CD36: variants seen among roughly 807,000 people sequenced by gnomAD.
CD36 encodes the protein CD36 molecule (CD36 blood group), also known as platelet glycoprotein 4.
Under a neutral mutation model 55.2 loss-of-function variants are expected in CD36, and 119 were observed. The observed-to-expected ratio is 2.15, with a 90% CI of 1.86 to 2.51. The LOEUF is 2.51. CD36 is among the 30% of genes most tolerant of loss of function. The pLI, the probability that CD36 is intolerant of heterozygous loss-of-function variation, is 0.00. For synonymous variants in CD36, 186 were observed against 193.6 expected (o/e 0.96, Z 0.33); for missense variants, 819 against 555.5 (o/e 1.47, Z -4.77).
At chr7:80,632,457 T>G (rs867019630) in intron 1 of CD36, among the ~76,000 whole-genome samples, 1 of 152,050 alleles carries the variant, frequency 6.6e-6, no homozygotes, top group Non-Finnish European at 1.5e-5. Context: ...TTCAGTCTTT[T>G]AGGAAGCTAA....
chr7:80,673,285 T>C lies in CD36; in HGVS notation c.1200-70T>C, dbSNP rs2116898715. 4 of 728,986 alleles carry C rather than the reference T, an allele frequency of 5.5e-6. No homozygotes were observed. The East Asian group carries it at 8.5e-5, about 15-fold the overall frequency. 45.2% of individuals were successfully genotyped at this position (728,986 alleles called of 1,614,324 possible). On this transcript the variant is annotated intron_variant, in intron 12 of 14. Transcript: ENST00000447544. ...AGCAACAGCAACTAATTTATGAACA[T>C]TTATTTTAAAGTTTGTTATATATAA...
intron 3 of CD36, 166 bp downstream of exon 3, chr7:80,647,026 G>C: frequency 1.5e-6 from 1 of 663,150 alleles, no homozygotes; most frequent in South Asian, 1.7e-5. Flanking sequence ...GACTTTATGT[G>C]AAATGTTATA....
chr7:80,641,181 G>T (rs941243887), intron 1 of CD36, among the ~76,000 whole-genome samples: 21 of 151,918 alleles, frequency 1.4e-4, no homozygotes, highest in Non-Finnish European at 2.4e-4. Flanking sequence ...TACCTTGAAA[G>T]GAGAATTCTA....
intron 7 of CD36, chr7:80,666,194 C>T (rs1797075457): frequency 9.0e-6 from 4 of 446,410 alleles, no homozygotes; most frequent in Admixed American, 3.6e-5. Context: ...TTTCTTATTC[C>T]AAGATGTTTC....
intron 1 of CD36, among the ~76,000 whole-genome samples, chr7:80,612,273 T>C (rs919869630): frequency 3.9e-5 from 6 of 152,238 alleles, no homozygotes; most frequent in Non-Finnish European, 8.8e-5. Flanking sequence ...ATTCCTGTTA[T>C]GCTAGCAACC....
intron 1 of CD36, among the ~76,000 whole-genome samples, chr7:80,643,366 G>C (rs1163521580): frequency 6.6e-6 from 1 of 152,110 alleles, no homozygotes; most frequent in East Asian, 1.9e-4. Context: ...CATTAATATT[G>C]AATGAGTAAT....
intron 1 of CD36, among the ~76,000 whole-genome samples, chr7:80,615,138 T>G (rs1273963791): frequency 1.3e-5 from 2 of 152,192 alleles, no homozygotes; most frequent in Non-Finnish European, 2.9e-5. Flanking sequence ...CACATTCCCT[T>G]CATCAGGCTG....
chr7:80,665,894 T>C (rs1797042048), intron 7 of CD36: 1 of 153,638 alleles, frequency 6.5e-6, no homozygotes, highest in Non-Finnish European at 1.4e-5. Flanking sequence ...AGTAAACTCT[T>C]TCCTACTTTA....
At chr7:80,648,230 T>A (rs188477960) in intron 3 of CD36, among the ~76,000 whole-genome samples, 1 of 152,282 alleles carries the variant, frequency 6.6e-6, no homozygotes, top group Non-Finnish European at 1.5e-5. Flanking sequence ...TGATCTGACA[T>A]CCTTCCTACT....
chr7:80,677,636 A>T lies in CD36; in HGVS notation c.*1253A>T, dbSNP rs2116948971. The T allele has an allele frequency of 6.6e-6, 1 of 152,328 alleles. No homozygotes were observed. Among genetic ancestry groups the T allele is most frequent in the East Asian group, 1.9e-4 (1 of 5,178 alleles). 9.4% of individuals were successfully genotyped at this position (152,328 alleles called of 1,614,324 possible). A position where few individuals can be genotyped will look rare whatever the true frequency, so the allele number is the denominator to read the frequency against. On this transcript the variant is annotated 3_prime_UTR_variant, in exon 15 of 15. Transcript: ENST00000447544. ...GTCCAAGATATTAATATGTAAGATA[A>T]CATTGTAGACATGTTCTTCTGATAA...
chr7:80,663,708 A>G (rs1302493556), intron 6 of CD36, among the ~76,000 whole-genome samples: 1 of 152,176 alleles, frequency 6.6e-6, no homozygotes, highest in Non-Finnish European at 1.5e-5. Flanking sequence ...CTTGAAGATT[A>G]AGGAAAATGT....
chr7:80,620,032 T>G (rs1192364989), intron 1 of CD36, among the ~76,000 whole-genome samples: 1 of 152,204 alleles, frequency 6.6e-6, no homozygotes, highest in Non-Finnish European at 1.5e-5. Context: ...TTTTGTTTTT[T>G]TTTAGATGAA....
chr7:80,635,582 T>C (rs1176039467), upstream of CD36, among the ~76,000 whole-genome samples: 2 of 152,084 alleles, frequency 1.3e-5, no homozygotes, highest in African/African-American at 2.4e-5. Flanking sequence ...GCCACAATTA[T>C]TTGTTAAACA....
chr7:80,638,589 G>A (rs375822934), upstream of CD36: 2 of 148,714 alleles, frequency 1.3e-5, no homozygotes, highest in Admixed American at 6.7e-5. Flanking sequence ...TCTTTTTTTG[G>A]GGGGGGGAGG....
chr7:80,621,151 CT>C (rs202080916), intron 1 of CD36, among the ~76,000 whole-genome samples: 2 of 151,816 alleles, frequency 1.3e-5, no homozygotes, highest in South Asian at 2.1e-4. Flanking sequence ...TAATTGTTAG[CT>C]TTTTTTTAGC....
At chr7:80,674,776 G>A (rs984704025) in intron 14 of CD36, among the ~76,000 whole-genome samples, 4 of 151,922 alleles carry the variant, frequency 2.6e-5, no homozygotes, top group Non-Finnish European at 4.4e-5. Flanking sequence ...TGCCTGTGGG[G>A]GAGAATTTTT....
At chr7:80,635,763 T>C (rs1794359208), upstream of CD36, among the ~76,000 whole-genome samples, 1 of 152,154 alleles carries the variant, frequency 6.6e-6, no homozygotes, top group Non-Finnish European at 1.5e-5. Context: ...TCCATTCATT[T>C]TCCTAGCAGA....
intron 1 of CD36, among the ~76,000 whole-genome samples, chr7:80,643,453 A>G (rs1440381505): frequency 6.6e-6 from 1 of 152,136 alleles, no homozygotes; most frequent in Non-Finnish European, 1.5e-5. Context: ...ACATGTTTTA[A>G]ATAGATTTTC....
chr7:80,653,961 A>G (rs1324054137), intron 3 of CD36, among the ~76,000 whole-genome samples: 1 of 152,190 alleles, frequency 6.6e-6, no homozygotes, highest in African/African-American at 2.4e-5. Flanking sequence ...GTCACATAAC[A>G]TTGAGTCAGA....
Sources: gnomAD v4.1 joint callset for allele counts (sites outside exome capture counted in the v4.1 genomes callset) on GRCh38, gnomAD v4.1.1 for gene constraint, MANE v1.5 for transcripts, NCBI Gene and HGNC (gene_info 2026-07-23, HGNC 2026-07-21) for gene names.